Variants in LEKR1 observed in about 807,000 individuals in gnomAD.
LEKR1 encodes the protein leucine, glutamate and lysine rich 1, also known as protein LEKR1.
A neutral mutation model predicts 72.4 loss-of-function variants in LEKR1; 59 were observed. That is an observed-to-expected ratio of 0.82 (90% confidence interval 0.66 to 1.01). The LOEUF is 1.01. Among genes scored for constraint, LEKR1 ranks in the 50% least tolerant of loss-of-function variants. The pLI is 0.00. For synonymous variants in LEKR1, 257 were observed against 263.2 expected (o/e 0.98, Z 0.23); for missense variants, 728 against 759.2 (o/e 0.96, Z 0.48).
At chr3:156,886,688 T>TA (rs897749041) in intron 3 of LEKR1, among the ~76,000 whole-genome samples, 47 of 152,190 alleles carry the variant, frequency 3.1e-4, no homozygotes, top group African/African-American at 1.1e-3. Flanking sequence ...TAGGTGAGGT[T>TA]AAAACCTCCC....
chr3:156,834,621 C>G (rs906716282), intron 2 of LEKR1, among the ~76,000 whole-genome samples: 23 of 152,122 alleles, frequency 1.5e-4, no homozygotes, highest in African/African-American at 1.4e-4. Flanking sequence ...GATTGCAGAG[C>G]CTAGGACAAG....
At chr3:157,040,316 A>T (rs1421617788) in intron 12 of LEKR1, among the ~76,000 whole-genome samples, 1 of 152,208 alleles carries the variant, frequency 6.6e-6, no homozygotes, top group Non-Finnish European at 1.5e-5. Context: ...CCTCTGAAGC[A>T]TATCAGTCTG....
At chr3:156,933,541 AGTC>A (rs746555137) in intron 5 of LEKR1, among the ~76,000 whole-genome samples, 8 of 152,212 alleles carry the variant, frequency 5.3e-5, no homozygotes, top group Non-Finnish European at 1.2e-4. Context: ...CATGTAAAAT[AGTC>A]GTCTTGGTAA....
chr3:157,023,720 A>C (rs1434408072), intron 10 of LEKR1, among the ~76,000 whole-genome samples: 3 of 152,232 alleles, frequency 2.0e-5, no homozygotes, highest in African/African-American at 7.2e-5. Context: ...ATTAAGAGCC[A>C]GGATTTAAAC....
At chr3:156,862,089 C>A (rs1034490403) in intron 3 of LEKR1, among the ~76,000 whole-genome samples, 4 of 151,922 alleles carry the variant, frequency 2.6e-5, no homozygotes, top group African/African-American at 9.7e-5. Context: ...ATTGATAGAC[C>A]TATGTATATG....
chr3:157,045,692 C>T lies in LEKR1; in HGVS notation c.2021C>T (p.Ala674Val), dbSNP rs778792951. 6.2e-7 allele frequency: 1 copy of T among 1,613,370 alleles called. No homozygotes were observed. The highest frequency in any genetic ancestry group is 8.5e-7 in the Non-Finnish European group (1 of 1,179,990). ...CCTCCCAGGGGTGGAGCATCTTCAG[C>T]AAATGAGACTAGACAGAGACTGGCT... is the stretch of plus-strand genomic sequence containing the variant. ...PHPPRGGASS[A>V]NETRQRLAAI... Residue 674 changes from alanine to valine, a missense_variant, in exon 13 of 13, where the codon GCA becomes GTA. Ala to Val is a moderately conservative substitution (Grantham distance 64). Transcript: ENST00000356539.
At position 156,932,898 on chromosome 3, in the gene LEKR1, C is replaced by T. The variant is rs192687224; in HGVS notation, c.559+5294C>T. On this transcript the variant is annotated intron_variant, in intron 5 of 12. Coordinates refer to ENST00000356539, the MANE Select transcript of LEKR1 (RefSeq NM_001004316.3). ...ACAAAAAATTAGCCAGGCGTGGTGG[C>T]GGGCACCTGTAGTCCCAGCAGCTTG... 7.9e-5 allele frequency among the ~76,000 whole-genome samples: 12 copies of T among 151,244 alleles called. No homozygotes were observed. In the East Asian group the frequency reaches 1.2e-3, roughly 15 times the overall value.
intron 6 of LEKR1, among the ~76,000 whole-genome samples, chr3:156,963,076 G>C (rs765250430): frequency 3.3e-5 from 5 of 152,182 alleles, no homozygotes; most frequent in Middle Eastern, 6.8e-3. Context: ...GTAGCCTGAG[G>C]TGTCTACATC....
At chr3:157,016,964 G>A (rs1733390560) in intron 10 of LEKR1, among the ~76,000 whole-genome samples, 1 of 151,988 alleles carries the variant, frequency 6.6e-6, no homozygotes. Flanking sequence ...AGGAAAATAA[G>A]GGAAAGAGAA....
intron 6 of LEKR1, among the ~76,000 whole-genome samples, chr3:156,949,514 G>T (rs1229088498): frequency 1.3e-5 from 2 of 151,392 alleles, no homozygotes; most frequent in African/African-American, 4.8e-5. Context: ...TGGTCCATTG[G>T]TCTGTGTGCC....
chr3:157,044,714 T>G (rs1560167592), intron 12 of LEKR1, among the ~76,000 whole-genome samples: 2 of 152,194 alleles, frequency 1.3e-5, no homozygotes, highest in Non-Finnish European at 2.9e-5. Context: ...TGAATAGAAT[T>G]AGTAGCAGAA....
chr3:157,041,194 C>T (rs1241571507), intron 12 of LEKR1, among the ~76,000 whole-genome samples: 1 of 152,104 alleles, frequency 6.6e-6, no homozygotes, highest in East Asian at 1.9e-4. Context: ...TCATGCTCGC[C>T]ACCAATCAGC....
At chr3:156,839,216 T>A (rs1017384298) in intron 2 of LEKR1, among the ~76,000 whole-genome samples, 3 of 152,178 alleles carry the variant, frequency 2.0e-5, no homozygotes, top group African/African-American at 7.2e-5. Context: ...AGTCTTTTGG[T>A]TGTACAACAC....
chr3:156,930,378 A>G (rs1725108255), intron 5 of LEKR1, among the ~76,000 whole-genome samples: 1 of 152,122 alleles, frequency 6.6e-6, no homozygotes, highest in South Asian at 2.1e-4. Flanking sequence ...ATTTAAAGCA[A>G]GCATTATTAT....
intron 2 of LEKR1, among the ~76,000 whole-genome samples, chr3:156,832,221 A>G (rs550856057): frequency 7.6e-6 from 1 of 131,594 alleles, no homozygotes; most frequent in East Asian, 1.9e-4. Flanking sequence ...GAGCCCCAAC[A>G]TAAGGAGAGA....
At chr3:156,839,754 C>T (rs1009960069) in intron 2 of LEKR1, among the ~76,000 whole-genome samples, 1 of 152,116 alleles carries the variant, frequency 6.6e-6, no homozygotes, top group Admixed American at 6.5e-5. Context: ...TTCAATTATT[C>T]GAGACTGCTT....
intron 3 of LEKR1, among the ~76,000 whole-genome samples, chr3:156,871,264 T>C (rs1717906980): frequency 6.6e-6 from 1 of 152,262 alleles, no homozygotes; most frequent in South Asian, 2.1e-4. Flanking sequence ...ATTTCATCCA[T>C]GTCCCTACAA....
At chr3:157,022,112 G>A (rs1733884393) in intron 10 of LEKR1, among the ~76,000 whole-genome samples, 1 of 152,114 alleles carries the variant, frequency 6.6e-6, no homozygotes, top group South Asian at 2.1e-4. Context: ...GGCCAAGGCA[G>A]CAAAGCGAGA....
intron 12 of LEKR1, among the ~76,000 whole-genome samples, chr3:157,040,361 T>G (rs972504604): frequency 1.3e-5 from 2 of 152,220 alleles, no homozygotes; most frequent in African/African-American, 4.8e-5. Context: ...CAACTTTTGT[T>G]TGGGTATGTC....
Sources: gnomAD v4.1 joint callset for allele counts (sites outside exome capture counted in the v4.1 genomes callset) on GRCh38, gnomAD v4.1.1 for gene constraint, MANE v1.5 for transcripts, NCBI Gene and HGNC (gene_info 2026-07-23, HGNC 2026-07-21) for gene names.